RAB3C: variants seen among roughly 807,000 people sequenced by gnomAD.
RAB3C encodes the protein ras-related protein Rab-3C.
In RAB3C, 17 loss-of-function variants were observed where a neutral mutation model predicts 26.4. The observed-to-expected ratio is 0.64, with a 90% confidence interval of 0.44 to 0.97. The LOEUF (loss-of-function observed/expected upper bound fraction) is 0.97, where lower values mean the gene tolerates loss of function less well. Ranked by LOEUF, RAB3C falls within the 50% of genes least tolerant of loss-of-function variation. RAB3C has a pLI of 0.00. For missense variants in RAB3C, 242 were observed against 281.9 expected, an observed-to-expected ratio of 0.86 and a Z score of 1.01; for synonymous variants, 91 against 95.9, an observed-to-expected ratio of 0.95 and a Z score of 0.30.
At chr5:58,672,652 T>C (rs1335238468) in intron 2 of RAB3C, among the ~76,000 whole-genome samples, 2 of 152,188 alleles carry the variant, frequency 1.3e-5, no homozygotes, top group African/African-American at 2.4e-5. Flanking sequence ...AATTGACAAA[T>C]AAAAGTTGTA....
intron 3 of RAB3C, chr5:58,741,642 T>C (rs1462709928): frequency 6.6e-6 from 1 of 152,156 alleles, no homozygotes; most frequent in African/African-American, 2.4e-5. Flanking sequence ...CTATGAATAG[T>C]AATCACATAC....
At chr5:58,685,912 G>A (rs1380566715) in intron 2 of RAB3C, among the ~76,000 whole-genome samples, 1 of 152,160 alleles carries the variant, frequency 6.6e-6, no homozygotes. Flanking sequence ...CAGTAGCATA[G>A]AATACAAAGA....
intron 2 of RAB3C, among the ~76,000 whole-genome samples, chr5:58,692,009 T>C (rs557377846): frequency 6.6e-6 from 1 of 152,164 alleles, no homozygotes; most frequent in Non-Finnish European, 1.5e-5. Context: ...AAAGTGACGC[T>C]TTTTCTTCAA....
chr5:58,707,564 C>T (rs1748968516), intron 2 of RAB3C, among the ~76,000 whole-genome samples: 1 of 152,092 alleles, frequency 6.6e-6, no homozygotes, highest in South Asian at 2.1e-4. Flanking sequence ...CATCACACAG[C>T]CAGTAAGGAG....
At chr5:58,618,947 G>T (rs1746878855) in intron 2 of RAB3C, among the ~76,000 whole-genome samples, 2 of 151,966 alleles carry the variant, frequency 1.3e-5, no homozygotes, top group Admixed American at 1.3e-4. Context: ...AATATGGAAA[G>T]CTAAAAACAA....
intron 2 of RAB3C, among the ~76,000 whole-genome samples, chr5:58,644,150 C>G (rs1360268116): frequency 6.6e-6 from 1 of 152,176 alleles, no homozygotes; most frequent in Non-Finnish European, 1.5e-5. Context: ...TCCACAAATA[C>G]TGGCCCTCTA....
rs1363558663 is a variant in RAB3C, at chr5:58,856,798, G to C, written c.*5447G>C. On this transcript the variant is annotated 3_prime_UTR_variant, in exon 5 of 5. Transcript: ENST00000282878. ...TGAGCATGACTTACATCTGTCAAGT[G>C]GTTCCATACTTCTTGTAAAAGTAAA... 1 of 152,184 alleles carries C rather than the reference G, an allele frequency of 6.6e-6. No homozygotes were observed. Among genetic ancestry groups the C allele is most frequent in the Non-Finnish European group, 1.5e-5 (1 of 68,046 alleles). The allele number at this position is 152,184 out of a possible 1,614,324, so 9.4% of individuals were successfully genotyped here.
intron 4 of RAB3C, among the ~76,000 whole-genome samples, chr5:58,834,712 G>A (rs762167977): frequency 6.6e-6 from 1 of 152,076 alleles, no homozygotes; most frequent in Non-Finnish European, 1.5e-5. Flanking sequence ...TTTCTTTTTG[G>A]CTAAGTATTC....
At chr5:58,841,489 G>A (rs1743874846) in intron 4 of RAB3C, among the ~76,000 whole-genome samples, 2 of 152,148 alleles carry the variant, frequency 1.3e-5, no homozygotes, top group South Asian at 4.1e-4. Flanking sequence ...GTGGACCCCA[G>A]AGGTAGCTCT....
Position 58,855,500 on chromosome 5 carries a change from C to T in RAB3C, c.*4149C>T, listed in dbSNP as rs1344925742. 1 of 152,206 alleles carries T rather than the reference C, an allele frequency of 6.6e-6. No individual in the cohort carries two copies. The highest frequency in any genetic ancestry group is 2.4e-5 in the African/African-American group (1 of 41,448). 9.4% of individuals were successfully genotyped at this position (152,206 alleles called of 1,614,324 possible). A position where few individuals can be genotyped will look rare whatever the true frequency, so the allele number is the denominator to read the frequency against. On this transcript the variant is annotated 3_prime_UTR_variant, in exon 5 of 5. Coordinates refer to ENST00000282878, the MANE Select transcript of RAB3C (RefSeq NM_138453.4). ...CACTTAGTGTGCTGTCCGGGTGCCA[C>T]ATGAGCAACTACACCCATGTGGCCT...
chr5:58,604,106 A>G (rs952329056), intron 1 of RAB3C, among the ~76,000 whole-genome samples: 2 of 152,138 alleles, frequency 1.3e-5, no homozygotes, highest in Non-Finnish European at 2.9e-5. Context: ...CAGCCAGTCT[A>G]CCTGGCTCCA....
intron 3 of RAB3C, among the ~76,000 whole-genome samples, chr5:58,776,577 T>A (rs1742146872): frequency 6.6e-6 from 1 of 152,134 alleles, no homozygotes; most frequent in Non-Finnish European, 1.5e-5. Flanking sequence ...CTAAGCCTAT[T>A]ATTTTCTTCT....
At chr5:58,639,117 T>C (rs1747354938) in intron 2 of RAB3C, among the ~76,000 whole-genome samples, 1 of 152,216 alleles carries the variant, frequency 6.6e-6, no homozygotes, top group South Asian at 2.1e-4. Context: ...CTTCCCTCTT[T>C]CGAATGGACA....
At chr5:58,682,450 T>A (rs570605728) in intron 2 of RAB3C, among the ~76,000 whole-genome samples, 74 of 152,222 alleles carry the variant, frequency 4.9e-4, no homozygotes, top group African/African-American at 1.8e-3. Context: ...TTTGGGAGGC[T>A]GAGGCAGGTG....
chr5:58,692,517 C>T (rs965943733), intron 2 of RAB3C, among the ~76,000 whole-genome samples: 3 of 151,926 alleles, frequency 2.0e-5, no homozygotes, highest in South Asian at 2.1e-4. Context: ...AACATTATGA[C>T]AGTTAGAACG....
At chr5:58,708,312 C>T (rs748147642) in intron 2 of RAB3C, among the ~76,000 whole-genome samples, 2 of 152,144 alleles carry the variant, frequency 1.3e-5, no homozygotes, top group African/African-American at 4.8e-5. Flanking sequence ...CTTCTATGAA[C>T]GATGATGGAT....
intron 3 of RAB3C, among the ~76,000 whole-genome samples, chr5:58,804,059 TA>T (rs11398720): frequency 2.9e-4 from 42 of 145,414 alleles, no homozygotes; most frequent in East Asian, 6.0e-4. Context: ...GACTCTATCT[TA>T]AAAAAAAAAA....
At chr5:58,710,559 A>G (rs559989096) in intron 2 of RAB3C, among the ~76,000 whole-genome samples, 1 of 151,924 alleles carries the variant, frequency 6.6e-6, no homozygotes, top group South Asian at 2.1e-4. Context: ...AGATCACGCC[A>G]CTGCACTCTA....
intron 2 of RAB3C, among the ~76,000 whole-genome samples, chr5:58,692,144 A>G (rs1377529810): frequency 1.3e-5 from 2 of 152,224 alleles, no homozygotes; most frequent in African/African-American, 4.8e-5. Context: ...CACAGCAATG[A>G]AAGAATAAGG....
Sources: allele counts gnomAD v4.1 joint callset (sites outside exome capture counted in the v4.1 genomes callset), GRCh38; gene constraint gnomAD v4.1.1; transcripts MANE v1.5; gene names NCBI Gene and HGNC (gene_info 2026-07-23, HGNC 2026-07-21).